Variants in CDK19 observed in about 807,000 individuals in gnomAD.
CDK19 encodes the protein cyclin-dependent kinase 19.
A neutral mutation model predicts 68.3 loss-of-function variants in CDK19; 20 were observed. The ratio of observed to expected loss-of-function variants is 0.29; its 90% CI spans 0.21 to 0.43. The LOEUF (loss-of-function observed/expected upper bound fraction) is 0.43, where lower values mean the gene tolerates loss of function less well. CDK19 is among the 20% of genes least tolerant of loss of function. The pLI is 1.00. For missense variants in CDK19, 339 were observed against 623.5 expected, an observed-to-expected ratio of 0.54 and a Z score of 4.86; for synonymous variants, 221 against 222.8, an observed-to-expected ratio of 0.99 and a Z score of 0.07.
At chr6:110,672,817 G>A (rs1771135445) in intron 2 of CDK19, among the ~76,000 whole-genome samples, 2 of 151,926 alleles carry the variant, frequency 1.3e-5, no homozygotes, top group African/African-American at 4.8e-5. Flanking sequence ...TGGCATAAAA[G>A]AAAAATTTTT....
chr6:110,736,358 T>C (rs1777253697), intron 2 of CDK19, among the ~76,000 whole-genome samples: 1 of 151,974 alleles, frequency 6.6e-6, no homozygotes, highest in Admixed American at 6.6e-5. Context: ...AATAAATAAA[T>C]AAATCTTCAT....
chr6:110,671,962 G>C (rs1282655958), intron 2 of CDK19, among the ~76,000 whole-genome samples: 3 of 152,112 alleles, frequency 2.0e-5, no homozygotes, highest in Non-Finnish European at 4.4e-5. Context: ...ATTTTTAGTA[G>C]AGATAGGGTT....
chr6:110,664,317 C>T (rs896076185), intron 4 of CDK19, among the ~76,000 whole-genome samples: 4 of 152,194 alleles, frequency 2.6e-5, no homozygotes, highest in Non-Finnish European at 2.9e-5. Context: ...CTCTTTCAAA[C>T]TTACCCTTAT....
intron 1 of CDK19, among the ~76,000 whole-genome samples, chr6:110,807,145 TAAA>T (rs761400244): frequency 8.0e-6 from 1 of 125,306 alleles, no homozygotes; most frequent in African/African-American, 2.9e-5. Context: ...ACAAATAATT[TAAA>T]AAAAAAAAAA....
chr6:110,707,442 C>T (rs762484488), intron 2 of CDK19, among the ~76,000 whole-genome samples: 2 of 152,026 alleles, frequency 1.3e-5, no homozygotes, highest in Admixed American at 6.5e-5. Flanking sequence ...TACCTGGATA[C>T]CTGTATCCAA....
chr6:110,772,182 G>A (rs1208699020), intron 1 of CDK19, among the ~76,000 whole-genome samples: 1 of 152,160 alleles, frequency 6.6e-6, no homozygotes, highest in African/African-American at 2.4e-5. Context: ...AGATTGGGAA[G>A]AAAAAGAGGT....
intron 1 of CDK19, among the ~76,000 whole-genome samples, chr6:110,795,765 TCAA>T (rs1412060835): frequency 6.6e-6 from 1 of 152,086 alleles, no homozygotes; most frequent in Non-Finnish European, 1.5e-5. Flanking sequence ...ACTTAAATGT[TCAA>T]CAAGCAGAGA....
intron 2 of CDK19, among the ~76,000 whole-genome samples, chr6:110,714,027 A>G (rs145568032): frequency 5.3e-5 from 8 of 152,334 alleles, no homozygotes; most frequent in Admixed American, 1.3e-4. Context: ...TCACAATTAT[A>G]TAATTCCAGA....
intron 2 of CDK19, among the ~76,000 whole-genome samples, chr6:110,699,786 T>A (rs1185137123): frequency 6.6e-6 from 1 of 152,174 alleles, no homozygotes; most frequent in African/African-American, 2.4e-5. Context: ...TACAGAACTA[T>A]CTTGTACAGA....
intron 4 of CDK19, among the ~76,000 whole-genome samples, chr6:110,664,827 T>C (rs543599936): frequency 1.3e-5 from 2 of 152,102 alleles, no homozygotes; most frequent in Non-Finnish European, 2.9e-5. Flanking sequence ...CAAGTAGACA[T>C]GGATATGAGG....
At chr6:110,676,404 A>G (rs548645846) in intron 2 of CDK19, among the ~76,000 whole-genome samples, 44 of 152,378 alleles carry the variant, frequency 2.9e-4, no homozygotes, top group African/African-American at 1.0e-3. Context: ...CTTAGTTGGT[A>G]AAGTAGTGGC....
chr6:110,742,748 A>G (rs1777775645), intron 2 of CDK19, among the ~76,000 whole-genome samples: 1 of 152,204 alleles, frequency 6.6e-6, no homozygotes, highest in African/African-American at 2.4e-5. Context: ...TTGGGAAATT[A>G]CAGCCCAGTA....
At chr6:110,788,593 C>A (rs1781395593) in intron 1 of CDK19, among the ~76,000 whole-genome samples, 1 of 152,096 alleles carries the variant, frequency 6.6e-6, no homozygotes, top group Non-Finnish European at 1.5e-5. Context: ...TCTCAAATCA[C>A]ATTAGAATCT....
intron 2 of CDK19, among the ~76,000 whole-genome samples, chr6:110,709,832 A>AAT (rs1774807141): frequency 6.6e-6 from 1 of 152,160 alleles, no homozygotes; most frequent in South Asian, 2.1e-4. Flanking sequence ...ACACCATCAA[A>AAT]ATATATATAC....
chr6:110,785,702 C>T (rs757713036), intron 1 of CDK19, among the ~76,000 whole-genome samples: 8 of 151,950 alleles, frequency 5.3e-5, no homozygotes, highest in Non-Finnish European at 8.8e-5. Flanking sequence ...CATCATAGGC[C>T]GGGCGCGGTG....
intron 2 of CDK19, among the ~76,000 whole-genome samples, chr6:110,708,191 A>C (rs1774670595): frequency 6.6e-6 from 1 of 152,140 alleles, no homozygotes; most frequent in Admixed American, 6.5e-5. Flanking sequence ...TGACTACCAC[A>C]CTGGACAGTA....
chr6:110,655,447 C>T (rs186470212), intron 4 of CDK19, among the ~76,000 whole-genome samples: 3 of 152,176 alleles, frequency 2.0e-5, no homozygotes, highest in Middle Eastern at 3.4e-3. Context: ...TCTAACTTTC[C>T]ATATATCTCA....
chr6:110,766,934 G>T (rs1422575989), intron 1 of CDK19, among the ~76,000 whole-genome samples: 1 of 151,976 alleles, frequency 6.6e-6, no homozygotes, highest in Non-Finnish European at 1.5e-5. Context: ...AGGAGTTCGA[G>T]ATCAGCCTGG....
intron 1 of CDK19, among the ~76,000 whole-genome samples, chr6:110,758,211 G>A (rs1778959224): frequency 6.6e-6 from 1 of 151,878 alleles, no homozygotes; most frequent in Non-Finnish European, 1.5e-5. Flanking sequence ...GCAACAAAAA[G>A]GAGTTAAAAA....
Sources: gnomAD v4.1 joint callset for allele counts (sites outside exome capture counted in the v4.1 genomes callset) on GRCh38, gnomAD v4.1.1 for gene constraint, MANE v1.5 for transcripts, NCBI Gene and HGNC (gene_info 2026-07-23, HGNC 2026-07-21) for gene names.